Variants in PPP1R10 observed in about 807,000 individuals in gnomAD.
PPP1R10 encodes the protein serine/threonine-protein phosphatase 1 regulatory subunit 10.
Under a neutral mutation model 99.0 loss-of-function variants are expected in PPP1R10, and 15 were observed. The observed-to-expected ratio is 0.15, with a 90% CI of 0.10 to 0.23. The LOEUF is 0.23. Among genes scored for constraint, PPP1R10 ranks in the 10% least tolerant of loss-of-function variants. The pLI, the probability that PPP1R10 is intolerant of heterozygous loss-of-function variation, is 1.00. For synonymous variants in PPP1R10, 430 were observed against 449.5 expected (o/e 0.96, Z 0.55); for missense variants, 947 against 1,259.4 (o/e 0.75, Z 3.75).
chr6:30,612,889 C>T (rs1449705685), intron 2 of PPP1R10, among the ~76,000 whole-genome samples: 1 of 152,204 alleles, frequency 6.6e-6, no homozygotes, highest in Non-Finnish European at 1.5e-5. Flanking sequence ...ATTACCTACT[C>T]AAGATCTGGA....
Position 30,608,932 on chromosome 6 carries a change from A to G in PPP1R10, c.195-18T>C. 2 of 1,613,996 alleles carry G rather than the reference A, an allele frequency of 1.2e-6. No individual in the cohort carries two copies. The highest frequency in any genetic ancestry group is 1.7e-6 in the Non-Finnish European group (2 of 1,179,956). On this transcript the variant is annotated intron_variant, in intron 4 of 19. Transcript: ENST00000376511. The stretch of plus-strand genomic sequence containing the variant: ...CAATAAATCTGCAGGCAGGCAGGAG[A>G]GTCTATCAGTAATGCCCTTTCTAGG...
intron 17 of PPP1R10, 46 bp downstream of exon 17, chr6:30,603,164 T>G: frequency 6.4e-7 from 1 of 1,563,424 alleles, no homozygotes; most frequent in Non-Finnish European, 8.8e-7. Context: ...CCAACTCCAC[T>G]GCAGGCTTCC....
intron 6 of PPP1R10, among the ~76,000 whole-genome samples, chr6:30,607,539 T>C (rs1582656585): frequency 6.6e-6 from 1 of 152,310 alleles, no homozygotes; most frequent in Non-Finnish European, 1.5e-5. Context: ...CACGCTAGGA[T>C]GATACTATTT....
chr6:30,614,857 TAC>T (rs1221111594), intron 2 of PPP1R10, among the ~76,000 whole-genome samples: 4 of 152,208 alleles, frequency 2.6e-5, no homozygotes, highest in Non-Finnish European at 5.9e-5. Context: ...AAACTAGAAC[TAC>T]ACAGAGATGG....
chr6:30,608,457 A>G (rs1342595504), intron 5 of PPP1R10, among the ~76,000 whole-genome samples: 1 of 151,976 alleles, frequency 6.6e-6, no homozygotes, highest in African/African-American at 2.4e-5. Flanking sequence ...GCATGCCACC[A>G]TGCCTGGCTA....
chr6:30,612,574 TA>T, intron 2 of PPP1R10, among the ~76,000 whole-genome samples: 1 of 152,220 alleles, frequency 6.6e-6, no homozygotes, highest in Admixed American at 6.5e-5. Flanking sequence ...TTCCACTACT[TA>T]TATTTTGGAA....
chr6:30,609,835 C>T lies in PPP1R10; in HGVS notation c.107+3G>A. 1 of 1,610,314 alleles carries T rather than the reference C, an allele frequency of 6.2e-7. No homozygotes were observed. The highest frequency in any genetic ancestry group is 8.5e-7 in the Non-Finnish European group (1 of 1,176,554). ...GTGAATACAAAAAGGGGTAAAGACT[C>T]ACCTGAAGATCTTGGAAATCCCATC... On this transcript the variant is annotated splice_donor_region_variant and intron_variant, in intron 3 of 19. Transcript: ENST00000376511. This position sits in a 1 kb window ranked among gnomAD's most constrained non-coding sequence, Gnocchi z 4.5.
chr6:30,614,328 G>A (rs896080056), intron 2 of PPP1R10, among the ~76,000 whole-genome samples: 1 of 151,920 alleles, frequency 6.6e-6, no homozygotes, highest in Admixed American at 6.6e-5. Context: ...GTTGTGAAAT[G>A]TAATACCAGA....
At chr6:30,613,104 T>C (rs1359980339) in intron 2 of PPP1R10, among the ~76,000 whole-genome samples, 1 of 152,220 alleles carries the variant, frequency 6.6e-6, no homozygotes, top group African/African-American at 2.4e-5. Context: ...CATACTCTAC[T>C]GGCACAAGGC....
At chr6:30,607,990 T>C (rs1242839322) in intron 5 of PPP1R10, 99 bp from the exon 6 acceptor site, 1 of 1,271,162 alleles carries the variant, frequency 7.9e-7, no homozygotes, top group Non-Finnish European at 1.1e-6. Flanking sequence ...CTGCTTTTTT[T>C]TTTTTTTTTA....
In PPP1R10 at chr6:30,609,154, C is replaced by T. The variant is rs1452167997; in HGVS notation, c.117G>A (p.Lys39=). 6.2e-7 allele frequency: 1 copy of T among 1,613,178 alleles called. No individual in the cohort carries two copies. The part of the protein sequence containing the change: ...DGISKIFSLM[K]EARKMVSRCT... ...ATCGACTCACCATCTTTCGTGCTTC[C>T]TTCATCAAACTGCAGAAGATGAGTT... Residue 39 remains lysine, a synonymous_variant, in exon 4 of 20, where the codon AAG becomes AAA. Transcript: ENST00000376511. This position sits in a 1 kb window ranked among gnomAD's most constrained non-coding sequence, Gnocchi z 4.5.
chr6:30,602,515 C>T lies in PPP1R10; in HGVS notation c.2134G>A (p.Gly712Arg). The stretch of plus-strand genomic sequence containing the variant: ...GGAGGAGGAGGAGGAGGTTCGTTTC[C>T]TCCTCGGCCACCTCGGCCTCTATGG... ...PYHRGRGGRG[G>R]NEPPPPPPPF... Residue 712 changes from glycine (G) to arginine (R), a missense_variant, in exon 19 of 20, where the codon GGA becomes AGA. Coordinates refer to ENST00000376511, the MANE Select transcript of PPP1R10 (RefSeq NM_002714.4). This position sits in a 1 kb window ranked among gnomAD's most constrained non-coding sequence, Gnocchi z 6.7. The T allele has an allele frequency of 6.4e-7, 1 of 1,571,950 alleles. No homozygotes were observed. The highest frequency in any genetic ancestry group is 8.6e-7 in the Non-Finnish European group (1 of 1,157,346).
intron 2 of PPP1R10, among the ~76,000 whole-genome samples, chr6:30,613,064 G>A (rs1356752870): frequency 6.6e-6 from 1 of 152,118 alleles, no homozygotes; most frequent in Non-Finnish European, 1.5e-5. Flanking sequence ...TAAGCTATGC[G>A]TTCCTTATGG....
chr6:30,613,650 C>T (rs940666139), intron 2 of PPP1R10, among the ~76,000 whole-genome samples: 3 of 152,158 alleles, frequency 2.0e-5, no homozygotes, highest in Non-Finnish European at 4.4e-5. Context: ...AGACCCCAGA[C>T]TAGAACTCTG....
At position 30,603,803 on chromosome 6, in the gene PPP1R10, G is replaced by T. The variant is rs774544694; in HGVS notation, c.1549C>A (p.Pro517Thr). 4 of 1,542,644 alleles carry T rather than the reference G, an allele frequency of 2.6e-6. No individual in the cohort carries two copies. ...ACCTCATCTAGGGGGATGAGTTTAGGGGGTATGGGCTCGTAGGGCTCAGGA... is the reference window on the plus strand; with the variant it reads ...ACCTCATCTAGGGGGATGAGTTTAGTGGGTATGGGCTCGTAGGGCTCAGGA... ...PDPEPYEPIP[P>T]KLIPLDEECS... The change falls in exon 15 of 20, where the codon CCT becomes ACT. Residue 517 changes from proline (P) to threonine (T), a missense_variant. Physicochemically the swap from Pro to Thr is conservative, Grantham distance 38 (BLOSUM62 -1). This residue lies in a region of PPP1R10 where 525 missense variants were observed against 578.8 expected (regional missense o/e 0.91). Transcript: ENST00000376511.
intron 2 of PPP1R10, among the ~76,000 whole-genome samples, chr6:30,614,376 C>G (rs1804867909): frequency 6.6e-6 from 1 of 152,148 alleles, no homozygotes; most frequent in Non-Finnish European, 1.5e-5. Flanking sequence ...TTGATTCCCC[C>G]TGCCTTGAGT....
At chr6:30,612,783 G>T (rs1804687679) in intron 2 of PPP1R10, among the ~76,000 whole-genome samples, 1 of 152,142 alleles carries the variant, frequency 6.6e-6, no homozygotes, top group Non-Finnish European at 1.5e-5. Flanking sequence ...CAAGTGGAAA[G>T]GAATGTAAAG....
rs1252290242 is a variant in PPP1R10 at position 30,601,367 on chromosome 6, TG to T, written c.*181del. On this transcript the variant is annotated 3_prime_UTR_variant, in exon 20 of 20. Transcript: ENST00000376511. ...CTCCTCCCCAGACTGGAGGAAAATA[TG>T]TACATCAATGCGCACCAGTGATCAG... is the stretch of plus-strand genomic sequence containing the variant. 1 of 593,076 alleles carries T rather than the reference TG, an allele frequency of 1.7e-6. No individual in the cohort carries two copies. The highest frequency in any genetic ancestry group is 1.9e-5 in the African/African-American group (1 of 53,564). The allele number at this position is 593,076 out of a possible 1,614,324, so 36.7% of individuals were successfully genotyped here. A position where few individuals can be genotyped will look rare whatever the true frequency, so the allele number is the denominator to read the frequency against.
At chr6:30,614,089 G>C (rs1457278816) in intron 2 of PPP1R10, among the ~76,000 whole-genome samples, 1 of 152,116 alleles carries the variant, frequency 6.6e-6, no homozygotes, top group East Asian at 1.9e-4. Context: ...TGGAGAGTCT[G>C]ATAAAGATTT....
Sources: allele counts gnomAD v4.1 joint callset (sites outside exome capture counted in the v4.1 genomes callset), GRCh38; gene constraint gnomAD v4.1.1; regional missense constraint gnomAD v4.1.1; non-coding constraint Gnocchi (gnomAD v3.1); transcripts MANE v1.5; gene names NCBI Gene and HGNC (gene_info 2026-07-23, HGNC 2026-07-21).